The following CIMIP5 variants were observed in gnomAD, a reference collection of about 807,000 sequenced individuals.
CIMIP5 encodes ciliary microtubule inner protein 5.
chr2:11,144,426 G>C, the CIMIP5 span: 2,108 of 204,060 alleles, frequency 0.01, 38 homozygotes, highest in African/African-American at 0.044. Flanking sequence ...AATCCAGCTT[G>C]TGACCCTGAT....
chr2:11,143,935 C>A, the CIMIP5 span: 1 of 1,592,400 alleles, frequency 6.3e-7, no homozygotes, highest in Non-Finnish European at 8.6e-7. Flanking sequence ...CAAGAAGGAG[C>A]CTGAGAAGTT....
At chr2:11,141,866 C>T in the CIMIP5 span, among the ~76,000 whole-genome samples, 2 of 152,034 alleles carry the variant, frequency 1.3e-5, no homozygotes, top group Non-Finnish European at 2.9e-5. Context: ...CATCACTGCA[C>T]CCTATCACAA....
At chr2:11,142,266 C>CA in the CIMIP5 span, among the ~76,000 whole-genome samples, 24,754 of 84,380 alleles carry the variant, frequency 0.29, 3,393 homozygotes, top group East Asian at 0.49. Context: ...AATTCAGTCT[C>CA]AAAAAAAAAA....
At chr2:11,144,230 A>G in the CIMIP5 span, 1 of 794,508 alleles carries the variant, frequency 1.3e-6, no homozygotes, top group Non-Finnish European at 1.9e-6. Context: ...ACTGTCTGTA[A>G]GCTGCAGGAC....
chr2:11,135,931 G>A, the CIMIP5 span, among the ~76,000 whole-genome samples: 5 of 152,000 alleles, frequency 3.3e-5, no homozygotes, highest in Non-Finnish European at 7.4e-5. Context: ...TATCTTCTTT[G>A]GAGAAATATC....
At chr2:11,133,869 G>C in the CIMIP5 span, among the ~76,000 whole-genome samples, 10 of 152,158 alleles carry the variant, frequency 6.6e-5, no homozygotes, top group Admixed American at 6.5e-4. Context: ...CCCTTGAGCT[G>C]GAGCCTGCTG....
the CIMIP5 span, among the ~76,000 whole-genome samples, chr2:11,138,263 A>G: frequency 2.0e-5 from 3 of 152,268 alleles, no homozygotes; most frequent in East Asian, 1.9e-4. Flanking sequence ...ATAGAAGCCT[A>G]AATAAAATTG....
the CIMIP5 span, among the ~76,000 whole-genome samples, chr2:11,138,096 G>A: frequency 3.9e-5 from 6 of 152,270 alleles, no homozygotes; most frequent in Non-Finnish European, 7.4e-5. Context: ...TGCCTGCCTC[G>A]GCCTCCCAGA....
chr2:11,152,081 G>A, the CIMIP5 span, among the ~76,000 whole-genome samples: 1 of 152,216 alleles, frequency 6.6e-6, no homozygotes, highest in Non-Finnish European at 1.5e-5. Context: ...TTGCAGAACT[G>A]GTTGAGCCAA....
chr2:11,148,730 C>CTTTTTTTTTTTTTTTTTT, the CIMIP5 span, among the ~76,000 whole-genome samples: 3 of 63,860 alleles, frequency 4.7e-5, no homozygotes. Context: ...CTAATGAAAA[C>CTTTTTTTTTTTTTTTTTT]TCTTTTTTTT....
At chr2:11,143,797 C>A in the CIMIP5 span, 1 of 849,966 alleles carries the variant, frequency 1.2e-6, no homozygotes, top group Non-Finnish European at 1.7e-6. Flanking sequence ...AAGTCCAAAC[C>A]AGGATTGAAT....
chr2:11,134,562 T>G, the CIMIP5 span, among the ~76,000 whole-genome samples: 1 of 152,230 alleles, frequency 6.6e-6, no homozygotes, highest in South Asian at 2.1e-4. Flanking sequence ...CTCATAGAAG[T>G]GGAATTGTGC....
chr2:11,148,382 G>T, the CIMIP5 span, among the ~76,000 whole-genome samples: 1 of 152,004 alleles, frequency 6.6e-6, no homozygotes, highest in Non-Finnish European at 1.5e-5. Flanking sequence ...CTCCCAAAGT[G>T]CTGGGATTAC....
chr2:11,136,625 T>C, the CIMIP5 span, among the ~76,000 whole-genome samples: 2 of 152,202 alleles, frequency 1.3e-5, no homozygotes, highest in Non-Finnish European at 2.9e-5. Flanking sequence ...GGATGAGGAC[T>C]GACTGCAAAT....
chr2:11,153,862 C>T, the CIMIP5 span, among the ~76,000 whole-genome samples: 9 of 148,358 alleles, frequency 6.1e-5, no homozygotes, highest in East Asian at 4.1e-4. Flanking sequence ...AGGTGGAGGT[C>T]GCAGTGAGCA....
At chr2:11,137,710 G>T in the CIMIP5 span, among the ~76,000 whole-genome samples, 1 of 152,206 alleles carries the variant, frequency 6.6e-6, no homozygotes, top group African/African-American at 2.4e-5. Context: ...GTGAGACATG[G>T]AATTCCCAAA....
At chr2:11,137,312 T>C in the CIMIP5 span, among the ~76,000 whole-genome samples, 1 of 152,002 alleles carries the variant, frequency 6.6e-6, no homozygotes, top group South Asian at 2.1e-4. Flanking sequence ...AGGCAGAGGC[T>C]GCAATCAGCC....
At chr2:11,133,312 A>G in the CIMIP5 span, 166 of 1,101,920 alleles carry the variant, frequency 1.5e-4, 1 homozygote, top group East Asian at 8.3e-4. Context: ...ACACAAGCGC[A>G]CACACACACA....
chr2:11,146,436 C>G, the CIMIP5 span: 3 of 152,188 alleles, frequency 2.0e-5, no homozygotes, highest in African/African-American at 7.2e-5. Context: ...CAGGATTTTT[C>G]TGCTTAAAGA....
Sources: gnomAD v4.1 joint callset for allele counts (sites outside exome capture counted in the v4.1 genomes callset) on GRCh38, gnomAD v4.1.1 for gene constraint, MANE v1.5 for transcripts, NCBI Gene and HGNC (gene_info 2026-07-23, HGNC 2026-07-21) for gene names.